Variants in CDC42BPA observed in about 807,000 individuals in gnomAD.
CDC42BPA encodes the protein serine/threonine-protein kinase MRCK alpha.
In CDC42BPA, 80 loss-of-function variants were observed where a neutral mutation model predicts 223.5. That is an observed-to-expected ratio of 0.36 (90% CI 0.30 to 0.43). The LOEUF (loss-of-function observed/expected upper bound fraction) is 0.43. Ranked by LOEUF, CDC42BPA falls within the 20% of genes least tolerant of loss-of-function variation. The pLI is 1.00. For missense variants in CDC42BPA, 1,743 were observed against 2,099.9 expected (o/e 0.83, Z 3.32); for synonymous variants, 694 against 718.6 (o/e 0.97, Z 0.55).
At chr1:227,100,709 T>A (rs1684861821) in intron 15 of CDC42BPA, among the ~76,000 whole-genome samples, 1 of 144,172 alleles carries the variant, frequency 6.9e-6, no homozygotes. Flanking sequence ...GTAGCTCAGA[T>A]TATAGGTGTG....
intron 5 of CDC42BPA, among the ~76,000 whole-genome samples, chr1:227,161,249 G>C (rs1663835951): frequency 6.6e-6 from 1 of 152,078 alleles, no homozygotes; most frequent in South Asian, 2.1e-4. Flanking sequence ...TTTTGTATTT[G>C]TTTTTGCATG....
At chr1:227,253,732 A>G (rs1215789791) in intron 2 of CDC42BPA, among the ~76,000 whole-genome samples, 2 of 152,086 alleles carry the variant, frequency 1.3e-5, no homozygotes, top group East Asian at 3.8e-4. Context: ...GAGTATATAC[A>G]CTACCAGGTA....
chr1:227,169,558 CCTCT>C (rs1197542568), intron 5 of CDC42BPA, among the ~76,000 whole-genome samples: 4 of 152,058 alleles, frequency 2.6e-5, no homozygotes, highest in Non-Finnish European at 5.9e-5. Flanking sequence ...TTTTGGATCC[CCTCT>C]CTAACAAACA....
chr1:227,305,382 T>G (rs1692358835), intron 1 of CDC42BPA, among the ~76,000 whole-genome samples: 1 of 152,192 alleles, frequency 6.6e-6, no homozygotes, highest in South Asian at 2.1e-4. Flanking sequence ...AATCCCAAAA[T>G]GGATAGGATA....
At chr1:227,181,798 G>A (rs556525378) in intron 5 of CDC42BPA, among the ~76,000 whole-genome samples, 15 of 152,026 alleles carry the variant, frequency 9.9e-5, no homozygotes, top group South Asian at 2.1e-4. Context: ...TCCAACTTGG[G>A]CACAACTATG....
chr1:227,176,915 G>A (rs1244922280), intron 5 of CDC42BPA, among the ~76,000 whole-genome samples: 1 of 151,572 alleles, frequency 6.6e-6, no homozygotes, highest in Non-Finnish European at 1.5e-5. Flanking sequence ...TCACTGGGAA[G>A]TCTAATGATA....
chr1:227,128,307 C>A (rs929303480), intron 11 of CDC42BPA, among the ~76,000 whole-genome samples: 3 of 152,196 alleles, frequency 2.0e-5, no homozygotes, highest in African/African-American at 7.2e-5. Flanking sequence ...CCTTCTCAGT[C>A]AGGCCTACCC....
intron 30 of CDC42BPA, among the ~76,000 whole-genome samples, chr1:227,027,974 G>C (rs1438129021): frequency 6.6e-6 from 1 of 151,886 alleles, no homozygotes; most frequent in Admixed American, 6.6e-5. Context: ...AAAAACATAA[G>C]CTGGGTGTGG....
At chr1:227,024,665 A>C (rs6426560) in intron 31 of CDC42BPA, among the ~76,000 whole-genome samples, 27,932 of 152,198 alleles carry the variant, frequency 0.18, 2,819 homozygotes, top group Non-Finnish European at 0.22. Context: ...TGGATGAGTA[A>C]AGAAAGCAAG....
At chr1:227,114,064 TA>T (rs1302394523) in intron 12 of CDC42BPA, among the ~76,000 whole-genome samples, 1 of 143,350 alleles carries the variant, frequency 7.0e-6, no homozygotes, top group Non-Finnish European at 1.5e-5. Context: ...ATGTTAAAAT[TA>T]AAGACATGCA....
At chr1:227,295,264 G>A (rs959476672) in intron 1 of CDC42BPA, among the ~76,000 whole-genome samples, 6 of 152,026 alleles carry the variant, frequency 3.9e-5, no homozygotes, top group Admixed American at 1.3e-4. Flanking sequence ...AGGCTCAAGC[G>A]ATCCTCCCAC....
rs1553371209 is a variant in CDC42BPA, at chr1:227,162,868, A to ATATGTGTGTGTGTGTGTGTGTGTG, written c.600-2233_600-2232insCACACACACACACACACACACATA. Among the ~76,000 whole-genome samples the ATATGTGTGTGTGTGTGTGTGTGTG allele has an allele frequency of 1.5e-4, 23 of 149,464 alleles. No homozygotes were observed. In the South Asian group the frequency reaches 2.8e-3, roughly 18 times the overall value. ...AAAAAATAAAATAAAATAAATATAT[A>ATATGTGTGTGTGTGTGTGTGTGTG]TGTGTGTGTGTGTGTGTGTTTCCAA... On this transcript the variant is annotated intron_variant, in intron 5 of 36. Transcript: ENST00000366766.
At chr1:227,102,150 CAATAAAAACTGGT>C (rs1193893879) in intron 14 of CDC42BPA, among the ~76,000 whole-genome samples, 6 of 151,948 alleles carry the variant, frequency 3.9e-5, no homozygotes, top group Non-Finnish European at 8.8e-5. Context: ...GTCATAAGGG[CAATAAAAACTGGT>C]AAGCGTAGTT....
At chr1:227,154,071 C>T (rs772511772) in intron 6 of CDC42BPA, among the ~76,000 whole-genome samples, 1 of 151,898 alleles carries the variant, frequency 6.6e-6, no homozygotes, top group Non-Finnish European at 1.5e-5. Flanking sequence ...TAAAATACTG[C>T]AATATAACAT....
At chr1:227,131,494 G>A (rs989993232) in intron 10 of CDC42BPA, among the ~76,000 whole-genome samples, 2 of 152,134 alleles carry the variant, frequency 1.3e-5, no homozygotes, top group Non-Finnish European at 2.9e-5. Context: ...TCCACTTTCT[G>A]GGTCTCTGGA....
Position 227,040,321 on chromosome 1 carries a change from G to T in CDC42BPA, c.3094-85C>A, listed in dbSNP as rs1164999300. 8 of 751,088 alleles carry T rather than the reference G, an allele frequency of 1.1e-5. No individual in the cohort carries two copies. The African/African-American group carries it at 1.2e-4, about 12-fold the overall frequency. The allele number at this position is 751,088 out of a possible 1,614,324, so 46.5% of individuals were successfully genotyped here. A position where few individuals can be genotyped will look rare whatever the true frequency, so the allele number is the denominator to read the frequency against. On this transcript the variant is annotated intron_variant, in intron 23 of 36. Transcript: ENST00000366766. Reference sequence around the variant, plus strand: ...TCCTTATGCCCCATACCACTTTCTAGAATGTTTTCTAAATAGGAATAGAAT... The same window carrying T: ...TCCTTATGCCCCATACCACTTTCTATAATGTTTTCTAAATAGGAATAGAAT...
At chr1:227,032,724 C>G (rs1164412983) in intron 27 of CDC42BPA, among the ~76,000 whole-genome samples, 1 of 152,164 alleles carries the variant, frequency 6.6e-6, no homozygotes, top group African/African-American at 2.4e-5. Flanking sequence ...GCCAGCCTAC[C>G]TGACGACCAG....
At position 227,101,183 on chromosome 1, in the gene CDC42BPA, T is replaced by C. The variant is rs765062142; in HGVS notation, c.2058A>G (p.Ile686Met). ...GVCSIEHQQE[I>M]TKLKTDLEKK... ...TTTCCAAATCAGTCTTTAGTTTGGTTATCTCTTGCTGATGTTCTATGCTGC... is the reference window on the plus strand; with the variant it reads ...TTTCCAAATCAGTCTTTAGTTTGGTCATCTCTTGCTGATGTTCTATGCTGC... The change falls in exon 15 of 37, where the codon ATA (isoleucine) becomes ATG (methionine). Residue 686 changes from isoleucine to methionine, a missense_variant. Physicochemically the swap from Ile to Met is conservative, Grantham distance 10 (BLOSUM62 1). Around this residue, in one of 6 missense-constraint regions of CDC42BPA, gnomAD observed 464 missense variants for 488.0 expected, o/e 0.95. Transcript: ENST00000366766. The C allele has an allele frequency of 3.7e-6, 6 of 1,601,110 alleles. No homozygotes were observed. The East Asian group carries it at 1.3e-4, about 36-fold the overall frequency.
At chr1:227,081,624 T>C (rs1680688769) in intron 16 of CDC42BPA, among the ~76,000 whole-genome samples, 1 of 152,038 alleles carries the variant, frequency 6.6e-6, no homozygotes, top group Non-Finnish European at 1.5e-5. Flanking sequence ...GGCTAATTTT[T>C]TGTCTTTTTA....
Sources: gnomAD v4.1 joint callset for allele counts (sites outside exome capture counted in the v4.1 genomes callset) on GRCh38, gnomAD v4.1.1 for gene constraint, gnomAD v4.1.1 regional missense constraint, MANE v1.5 for transcripts, NCBI Gene and HGNC (gene_info 2026-07-23, HGNC 2026-07-21) for gene names.